Variants in VHL observed in about 807,000 individuals in gnomAD.
VHL encodes von Hippel-Lindau disease tumor suppressor.
VHL carries 10 observed loss-of-function variants against 19.2 expected under a neutral mutation model. The observed-to-expected ratio is 0.52, with a 90% confidence interval of 0.32 to 0.89. The LOEUF (loss-of-function observed/expected upper bound fraction) is 0.89. VHL is among the 40% of genes least tolerant of loss of function. The pLI is 0.03. For synonymous variants in VHL, 167 were observed against 129.5 expected (o/e 1.29, Z -1.97); for missense variants, 328 against 292.7 (o/e 1.12, Z -0.88).
At chr3:10,146,949 T>TGGAGTTCCA in intron 2 of VHL, among the ~76,000 whole-genome samples, 1 of 152,332 alleles carries the variant, frequency 6.6e-6, no homozygotes, top group Middle Eastern at 3.4e-3. Flanking sequence ...AATTGTGCCC[T>TGGAGTTCCA]GGAGTTCCAG....
In VHL at chr3:10,142,118, T is replaced by C. The variant is rs1559426039; in HGVS notation, c.271T>C (p.Phe91Leu). The C allele has an allele frequency of 6.2e-7, 1 of 1,601,516 alleles. No individual in the cohort carries two copies. The highest frequency in any genetic ancestry group is 8.5e-7 in the Non-Finnish European group (1 of 1,179,658). ...CGTCGTGCTGCCCGTATGGCTCAAC[T>C]TCGACGGCGAGCCGCAGCCCTACCC... ...PRVVLPVWLN[F>L]DGEPQPYPTL... is the part of the protein sequence containing the mutation. Residue 91 changes from phenylalanine (F) to leucine (L), a missense_variant, in exon 1 of 3, where the codon TTC becomes CTC. By Grantham distance (22) the Phe-to-Leu change is conservative. Transcript: ENST00000256474.
chr3:10,142,099 G>C lies in VHL; in HGVS notation c.252G>C (p.Val84=), dbSNP rs1436342215. The C allele has an allele frequency of 1.2e-6, 2 of 1,603,748 alleles. No individual in the cohort carries two copies. The highest frequency in any genetic ancestry group is 1.7e-6 in the Non-Finnish European group (2 of 1,179,720). ...TCTGCAATCGCAGTCCGCGCGTCGT[G>C]CTGCCCGTATGGCTCAACTTCGACG... is the stretch of plus-strand genomic sequence containing the variant. The part of the protein sequence containing the change: ...VIFCNRSPRV[V]LPVWLNFDGE... Residue 84 remains valine (V), a synonymous_variant, in exon 1 of 3, where the codon GTG becomes GTC. Coordinates refer to ENST00000256474, the MANE Select transcript of VHL (RefSeq NM_000551.4).
rs1365445365 is a variant in VHL at position 10,149,836 on chromosome 3, G to T, written c.513G>T (p.Lys171Asn). The change falls in exon 3 of 3, where the codon AAG (lysine) becomes AAT (asparagine). Residue 171 changes from lysine (K) to asparagine (N), a missense_variant. Physicochemically the swap from Lys to Asn is moderately conservative, Grantham distance 94. Coordinates refer to ENST00000256474, the MANE Select transcript of VHL (RefSeq NM_000551.4). The stretch of plus-strand genomic sequence containing the variant: ...TCCAGGTTGTCCGGAGCCTAGTCAA[G>T]CCTGAGAATTACAGGAGACTGGACA... ...RCLQVVRSLV[K>N]PENYRRLDIV... The T allele has an allele frequency of 1.9e-6, 3 of 1,614,178 alleles. No individual in the cohort carries two copies. The highest frequency in any genetic ancestry group is 2.5e-6 in the Non-Finnish European group (3 of 1,180,036).
At chr3:10,144,514 T>TG (rs1696206913) in intron 1 of VHL, among the ~76,000 whole-genome samples, 2 of 148,680 alleles carry the variant, frequency 1.3e-5, no homozygotes. Flanking sequence ...TTTTTTTTTT[T>TG]GAGACAGGAT....
In VHL at chr3:10,149,721, C is replaced by T. The variant is rs1237916252; in HGVS notation, c.464-66C>T. ...GTAGTACAGGTAGTTGTTGGCAAAG[C>T]CTCTTGTTCGTTCCTTGTACTGAGA... On this transcript the variant is annotated intron_variant, in intron 2 of 2. Coordinates refer to ENST00000256474, the MANE Select transcript of VHL (RefSeq NM_000551.4). The T allele has an allele frequency of 2.8e-6, 4 of 1,408,722 alleles. No individual in the cohort carries two copies. The African/African-American group carries it at 5.6e-5, about 20-fold the overall frequency. 87.3% of individuals were successfully genotyped at this position (1,408,722 alleles called of 1,614,324 possible).
At position 10,153,007 on chromosome 3, in the gene VHL, C is replaced by T. The variant is rs532249689; in HGVS notation, c.*3042C>T. On this transcript the variant is annotated 3_prime_UTR_variant, in exon 3 of 3. Transcript: ENST00000256474. ...AAAATACAAAAATTGCCGGCCGCGG[C>T]GGCTCATGCCTGTAATCCCAGCACT... Among the ~76,000 whole-genome samples, 41 of 150,936 alleles carry T rather than the reference C, an allele frequency of 2.7e-4. No individual in the cohort carries two copies. The highest frequency in any genetic ancestry group is 2.2e-3 in the Admixed American group (33 of 15,162).
At position 10,141,949 on chromosome 3, in the gene VHL, C is replaced by A. The variant is rs967421751; in HGVS notation, c.102C>A (p.Gly34=). The A allele has an allele frequency of 6.5e-7, 1 of 1,543,348 alleles. No individual in the cohort carries two copies. Among genetic ancestry groups the A allele is most frequent in the Non-Finnish European group, 8.7e-7 (1 of 1,143,330 alleles). Residue 34 remains glycine (G), a synonymous_variant, in exon 1 of 3, where the codon GGC becomes GGA. Transcript: ENST00000256474. ...AAGAAGACGGCGGGGAGGAGTCGGG[C>A]GCCGAGGAGTCCGGCCCGGAAGAGT... ...GPEEDGGEES[G]AEESGPEESG... is the part of the protein sequence containing the mutation.
At chr3:10,148,148 A>T (rs1446110201) in intron 2 of VHL, among the ~76,000 whole-genome samples, 1 of 151,930 alleles carries the variant, frequency 6.6e-6, no homozygotes, top group Non-Finnish European at 1.5e-5. Flanking sequence ...GTTTCATAGG[A>T]TTCAAACTAC....
At chr3:10,142,284 A>C in intron 1 of VHL, 97 bp downstream of exon 1, 1 of 1,354,836 alleles carries the variant, frequency 7.4e-7, no homozygotes, top group Non-Finnish European at 1.0e-6. Context: ...CGGGGAACTG[A>C]GGCCCCTTGA....
At chr3:10,147,257 G>A (rs777754174) in intron 2 of VHL, among the ~76,000 whole-genome samples, 4 of 151,794 alleles carry the variant, frequency 2.6e-5, no homozygotes, top group African/African-American at 9.7e-5. Flanking sequence ...TGATCTGCCC[G>A]CCTACGCCTC....
In VHL at chr3:10,153,607, T is replaced by TC. The variant is rs1696474896; in HGVS notation, c.*3642_*3643insC. ...GGTGAAGTTCCTATTTCAAGTTTTT[T>TC]TTTTTTTTTTTTTTTTTAAAGCTGT... On this transcript the variant is annotated 3_prime_UTR_variant, in exon 3 of 3. Transcript: ENST00000256474. Among the ~76,000 whole-genome samples the TC allele has an allele frequency of 3.3e-5, 1 of 30,312 alleles. No homozygotes were observed. The highest frequency in any genetic ancestry group is 6.0e-5 in the Non-Finnish European group (1 of 16,532). 19.9% of individuals were successfully genotyped at this position (30,312 alleles called of 152,430 possible).
rs1335233100 is a variant in VHL at position 10,150,252 on chromosome 3, G to C, written c.*287G>C. ...TAAGTCAGGACAGCTTGTATGTAAGGAGGTTTGTATAAGTAATTCAGTGGG... is the reference window on the plus strand; with the variant it reads ...TAAGTCAGGACAGCTTGTATGTAAGCAGGTTTGTATAAGTAATTCAGTGGG... On this transcript the variant is annotated 3_prime_UTR_variant, in exon 3 of 3. Coordinates refer to ENST00000256474, the MANE Select transcript of VHL (RefSeq NM_000551.4). The C allele has an allele frequency of 1.5e-6, 2 of 1,322,474 alleles. No homozygotes were observed. Among genetic ancestry groups the C allele is most frequent in the African/African-American group, 3.0e-5 (2 of 67,658 alleles). 81.9% of individuals were successfully genotyped at this position (1,322,474 alleles called of 1,614,324 possible).
chr3:10,148,967 C>G (rs922015565), intron 2 of VHL, among the ~76,000 whole-genome samples: 6 of 151,988 alleles, frequency 3.9e-5, no homozygotes, highest in Non-Finnish European at 7.4e-5. Context: ...GCCACTGCGC[C>G]CAGCCCACCA....
chr3:10,150,884 TG>T lies in VHL; in HGVS notation c.*920del. 4.4e-6 allele frequency: 1 copy of T among 225,494 alleles called. No individual in the cohort carries two copies. The highest frequency in any genetic ancestry group is 6.4e-5 in the East Asian group (1 of 15,650). The allele number at this position is 225,494 out of a possible 1,614,324, so 14.0% of individuals were successfully genotyped here. The stretch of plus-strand genomic sequence containing the variant: ...TGATTGATTTGGGTTTTTTTGTTGT[TG>T]TTGTTTTGTTTTGTTTTGTTTTTTT... On this transcript the variant is annotated 3_prime_UTR_variant, in exon 3 of 3. Transcript: ENST00000256474.
At position 10,141,863 on chromosome 3, in the gene VHL, G is replaced by C. The variant is rs545406510; in HGVS notation, c.16G>C (p.Glu6Gln). 1 of 1,534,762 alleles carries C rather than the reference G, an allele frequency of 6.5e-7. No individual in the cohort carries two copies. Among genetic ancestry groups the C allele is most frequent in the East Asian group, 2.5e-5 (1 of 40,512 alleles). The change falls in exon 1 of 3, where the codon GAG (glutamate) becomes CAG (glutamine). Residue 6 changes from glutamate (E) to glutamine (Q), a missense_variant. Glu to Gln is a conservative substitution (Grantham distance 29, BLOSUM62 2). Coordinates refer to ENST00000256474, the MANE Select transcript of VHL (RefSeq NM_000551.4). ...CGCGGAGGGAATGCCCCGGAGGGCG[G>C]AGAACTGGGACGAGGCCGAGGTAGG... MPRRA[E>Q]NWDEAEVGAE...
rs373404743 is a variant in VHL, at chr3:10,151,675, G to A, written c.*1710G>A. ...TAGTATAAGCTTTTCACAAACATTAGTATAGTCTCCCTTTTATAATTAATG... is the reference window on the plus strand; with the variant it reads ...TAGTATAAGCTTTTCACAAACATTAATATAGTCTCCCTTTTATAATTAATG... On this transcript the variant is annotated 3_prime_UTR_variant, in exon 3 of 3. Transcript: ENST00000256474. The A allele has an allele frequency of 4.7e-6, 1 of 213,944 alleles. No individual in the cohort carries two copies. Among genetic ancestry groups the A allele is most frequent in the African/African-American group, 2.3e-5 (1 of 44,420 alleles). 13.3% of individuals were successfully genotyped at this position (213,944 alleles called of 1,614,324 possible). A position where few individuals can be genotyped will look rare whatever the true frequency, so the allele number is the denominator to read the frequency against.
Position 10,149,356 on chromosome 3 carries a change from A to C in VHL, c.464-431A>C, listed in dbSNP as rs552225058. ...TCGAACTCCTGAGCTCAGGCGATCT[A>C]CTGACGTTGGCCTCCCAAAGTGTTG... On this transcript the variant is annotated intron_variant, in intron 2 of 2. Transcript: ENST00000256474. 2.1e-3 allele frequency among the ~76,000 whole-genome samples: 320 copies of C among 151,994 alleles called. 4 individuals carry two copies. In the Middle Eastern group the frequency reaches 0.044, roughly 21 times the overall value.
In VHL at chr3:10,151,303, T is replaced by G. The variant is rs1287411471; in HGVS notation, c.*1338T>G. The G allele has an allele frequency of 1.4e-5, 3 of 212,134 alleles. No homozygotes were observed. The highest frequency in any genetic ancestry group is 2.9e-5 in the Non-Finnish European group (3 of 104,830). 13.1% of individuals were successfully genotyped at this position (212,134 alleles called of 1,614,324 possible). A position where few individuals can be genotyped will look rare whatever the true frequency, so the allele number is the denominator to read the frequency against. ...AGTTTTCTAAATGTACAAATTCTTA[T>G]AGGCTAGACTTAGATTCATTAACTC... On this transcript the variant is annotated 3_prime_UTR_variant, in exon 3 of 3. Transcript: ENST00000256474.
rs35658375 is a variant in VHL, at chr3:10,143,117, A to ATT, written c.340+944_340+945dup. 27,004 of 146,354 alleles carry ATT rather than the reference A, an allele frequency of 0.18. 2,640 individuals are homozygous for ATT. Among genetic ancestry groups the ATT allele is most frequent in the African/African-American group, 0.27 (10,647 of 39,820 alleles). 9.1% of individuals were successfully genotyped at this position (146,354 alleles called of 1,614,324 possible). A position where few individuals can be genotyped will look rare whatever the true frequency, so the allele number is the denominator to read the frequency against. ...CCCCTAGGAATATGGGGGCACTGAAATTTTTTTTTTTTTTTGAGACGGGAG... is the reference window on the plus strand; with the variant it reads ...CCCCTAGGAATATGGGGGCACTGAAATTTTTTTTTTTTTTTTTGAGACGGGAG... On this transcript the variant is annotated intron_variant, in intron 1 of 2. Transcript: ENST00000256474.
Sources: allele counts gnomAD v4.1 joint callset (sites outside exome capture counted in the v4.1 genomes callset), GRCh38; gene constraint gnomAD v4.1.1; transcripts MANE v1.5; gene names NCBI Gene and HGNC (gene_info 2026-07-23, HGNC 2026-07-21).